PPP2R3C: variants seen among roughly 807,000 people sequenced by gnomAD.
PPP2R3C encodes serine/threonine-protein phosphatase 2A regulatory subunit B'' subunit gamma.
Under a neutral mutation model 63.7 loss-of-function variants are expected in PPP2R3C, and 47 were observed. The ratio of observed to expected loss-of-function variants is 0.74; its 90% confidence interval spans 0.58 to 0.94. PPP2R3C has a LOEUF of 0.94. Among genes scored for constraint, PPP2R3C ranks in the 40% least tolerant of loss-of-function variants. The pLI, the probability that PPP2R3C is intolerant of heterozygous loss-of-function variation, is 0.00. For missense variants in PPP2R3C, 421 were observed against 518.4 expected (o/e 0.81, Z 1.82); for synonymous variants, 180 against 177.4 (o/e 1.01, Z -0.12).
chr14:35,109,952 G>A (rs1271889164), intron 3 of PPP2R3C, 21 bp from the exon 4 acceptor site: 1 of 1,512,786 alleles, frequency 6.6e-7, no homozygotes, highest in East Asian at 2.3e-5. Flanking sequence ...TTGTGGAAGT[G>A]AAGATGTTGT....
At position 35,085,672 on chromosome 14, in the gene PPP2R3C, A is replaced by C; in HGVS notation, c.1280T>G (p.Leu427Trp). The change falls in exon 13 of 13, where the codon TTG becomes TGG. Residue 427 changes from leucine to tryptophan, a missense_variant. Physicochemically the swap from Leu to Trp is moderately conservative, Grantham distance 61. Around this residue, in one of 3 missense-constraint regions of PPP2R3C, gnomAD observed 231 missense variants for 264.8 expected, o/e 0.87. Transcript: ENST00000261475. ...GTTCTCGTAAGTCCAGAAGCCATTCAAATCGATTAGAATGGTGGTTACTGT... is the reference window on the plus strand; with the variant it reads ...GTTCTCGTAAGTCCAGAAGCCATTCCAATCGATTAGAATGGTGGTTACTGT... ...GDTVTTILID[L>W]NGFWTYENRE... 6.2e-7 allele frequency: 1 copy of C among 1,613,306 alleles called. No homozygotes were observed. Among genetic ancestry groups the C allele is most frequent in the Non-Finnish European group, 8.5e-7 (1 of 1,179,320 alleles).
At chr14:35,090,100 G>A (rs986446555) in intron 11 of PPP2R3C, among the ~76,000 whole-genome samples, 3 of 151,998 alleles carry the variant, frequency 2.0e-5, no homozygotes, top group African/African-American at 7.2e-5. Flanking sequence ...GTAAATATAC[G>A]TCAGGGGCTG....
intron 7 of PPP2R3C, 90 bp from the exon 8 acceptor site, chr14:35,096,854 C>A (rs2046016051): frequency 1.0e-5 from 12 of 1,153,158 alleles, no homozygotes; most frequent in Non-Finnish European, 1.3e-5. Context: ...CAAGAGCAAT[C>A]ACACAATTGA....
chr14:35,093,468 T>G (rs1487790618), intron 10 of PPP2R3C, among the ~76,000 whole-genome samples: 1 of 152,096 alleles, frequency 6.6e-6, no homozygotes, highest in African/African-American at 2.4e-5. Context: ...CACTGTCTAT[T>G]GTTTACAGCT....
At chr14:35,103,390 C>T (rs1195731476) in intron 6 of PPP2R3C, among the ~76,000 whole-genome samples, 1 of 152,210 alleles carries the variant, frequency 6.6e-6, no homozygotes, top group Non-Finnish European at 1.5e-5. Flanking sequence ...TCTCGTACTT[C>T]ATGGCTAAAA....
intron 10 of PPP2R3C, among the ~76,000 whole-genome samples, chr14:35,092,652 G>C (rs1471771732): frequency 6.6e-6 from 1 of 151,808 alleles, no homozygotes; most frequent in Non-Finnish European, 1.5e-5. Flanking sequence ...TTTTAGTAGA[G>C]AAGCGGTTTC....
At chr14:35,088,561 A>G (rs1226658688) in intron 11 of PPP2R3C, among the ~76,000 whole-genome samples, 1 of 152,250 alleles carries the variant, frequency 6.6e-6, no homozygotes, top group Non-Finnish European at 1.5e-5. Context: ...TCAGGTGAGC[A>G]TTATTCACTG....
intron 6 of PPP2R3C, among the ~76,000 whole-genome samples, chr14:35,103,293 C>T (rs2046254199): frequency 6.6e-6 from 1 of 152,176 alleles, no homozygotes; most frequent in South Asian, 2.1e-4. Context: ...TCCTTCTGTT[C>T]CTAGAACAGG....
intron 5 of PPP2R3C, 43 bp downstream of exon 5, chr14:35,108,096 T>A: frequency 2.5e-6 from 4 of 1,590,098 alleles, no homozygotes; most frequent in Non-Finnish European, 3.4e-6. Context: ...AAAACCTACT[T>A]GATTCCCAGA....
intron 7 of PPP2R3C, among the ~76,000 whole-genome samples, chr14:35,097,766 G>A (rs2138639868): frequency 6.6e-6 from 1 of 152,210 alleles, no homozygotes; most frequent in South Asian, 2.1e-4. Context: ...TTACAGGTGT[G>A]AGCCACTGCG....
intron 1 of PPP2R3C, among the ~76,000 whole-genome samples, chr14:35,120,423 T>A (rs906923639): frequency 6.6e-6 from 1 of 151,282 alleles, no homozygotes; most frequent in Admixed American, 6.6e-5. Context: ...TTTTTTGTAT[T>A]TTTAGTAGAG....
chr14:35,099,180 TTTCTC>T, intron 7 of PPP2R3C, 67 bp downstream of exon 7: 1 of 1,396,756 alleles, frequency 7.2e-7, no homozygotes, highest in Non-Finnish European at 9.4e-7. Flanking sequence ...TTTCAAGAGT[TTTCTC>T]TAGTTATTGA....
Position 35,091,196 on chromosome 14 carries a change from G to C in PPP2R3C, c.987C>G (p.Thr329=). 1 of 1,608,754 alleles carries C rather than the reference G, an allele frequency of 6.2e-7. No individual in the cohort carries two copies. Among genetic ancestry groups the C allele is most frequent in the Non-Finnish European group, 8.5e-7 (1 of 1,178,084 alleles). Residue 329 remains threonine (T), a synonymous_variant, in exon 11 of 13, where the codon ACC becomes ACG. Coordinates refer to ENST00000261475, the MANE Select transcript of PPP2R3C (RefSeq NM_017917.4). ...CTAATGCAAGGACAAAGTCCAAGTA[G>C]GTCTTATAGTCCTACAGAACAGAAA... ...LTYDGEMDYK[T]YLDFVLALEN... is the part of the protein sequence containing the mutation.
At chr14:35,114,643 TA>T (rs1437096495) in intron 2 of PPP2R3C, among the ~76,000 whole-genome samples, 2 of 152,108 alleles carry the variant, frequency 1.3e-5, no homozygotes, top group Admixed American at 6.6e-5. Flanking sequence ...TTTTTATTTT[TA>T]TTTTTTTTAA....
rs944149008 is a variant in PPP2R3C at position 35,090,095 on chromosome 14, T to C, written c.1113+975A>G. Among the ~76,000 whole-genome samples, 7 of 152,160 alleles carry C rather than the reference T, an allele frequency of 4.6e-5. No individual in the cohort carries two copies. The South Asian group carries it at 1.0e-3, about 22-fold the overall frequency. ...TAGATGTAAAATAAAAATATGTAAA[T>C]ATACGTCAGGGGCTGTACTACCATT... is the stretch of plus-strand genomic sequence containing the variant. On this transcript the variant is annotated intron_variant, in intron 11 of 12. Coordinates refer to ENST00000261475, the MANE Select transcript of PPP2R3C (RefSeq NM_017917.4).
At chr14:35,103,703 G>A (rs955829309) in intron 6 of PPP2R3C, among the ~76,000 whole-genome samples, 14 of 152,032 alleles carry the variant, frequency 9.2e-5, no homozygotes, top group Non-Finnish European at 1.9e-4. Context: ...AAGAAATCTG[G>A]GCAAACAGAT....
intron 9 of PPP2R3C, 85 bp downstream of exon 9, chr14:35,096,473 T>C (rs1250131693): frequency 1.7e-5 from 20 of 1,147,412 alleles, no homozygotes; most frequent in Non-Finnish European, 1.9e-5. Context: ...TTAAGGTATA[T>C]CAGTGTATGT....
At chr14:35,106,003 C>T (rs1005877612) in intron 6 of PPP2R3C, among the ~76,000 whole-genome samples, 24 of 152,054 alleles carry the variant, frequency 1.6e-4, no homozygotes, top group African/African-American at 4.6e-4. Context: ...CCACCACGCC[C>T]GGCTAATTTT....
Position 35,085,594 on chromosome 14 carries a change from G to A in PPP2R3C, c.1358C>T (p.Thr453Ile), listed in dbSNP as rs1217501645. 6.2e-7 allele frequency: 1 copy of A among 1,603,264 alleles called. No homozygotes were observed. Among genetic ancestry groups the A allele is most frequent in the Non-Finnish European group, 8.5e-7 (1 of 1,175,752 alleles). The stretch of plus-strand genomic sequence containing the variant: ...GACAGTCTAGTCTTTCAGAGATCAT[G>A]TATCATCAAGGTCTGCAGAGTTTTC... The part of the protein sequence containing the change: ...DSENSADLDD[T>I] The change falls in exon 13 of 13, where the codon ACA (threonine) becomes ATA (isoleucine). Residue 453 changes from threonine (T) to isoleucine (I), a missense_variant. By Grantham distance (89) the Thr-to-Ile change is moderately conservative. Transcript: ENST00000261475.
Sources: gnomAD v4.1 joint callset for allele counts (sites outside exome capture counted in the v4.1 genomes callset) on GRCh38, gnomAD v4.1.1 for gene constraint, gnomAD v4.1.1 regional missense constraint, MANE v1.5 for transcripts, NCBI Gene and HGNC (gene_info 2026-07-23, HGNC 2026-07-21) for gene names.